Variants in KALRN observed in about 807,000 individuals in gnomAD.
KALRN encodes the protein kalirin.
KALRN carries 70 observed loss-of-function variants against 353.7 expected under a neutral mutation model. That is an observed-to-expected ratio of 0.20 (90% confidence interval 0.16 to 0.24). The LOEUF (loss-of-function observed/expected upper bound fraction) is 0.24. Among genes scored for constraint, KALRN ranks in the 10% least tolerant of loss-of-function variants. The pLI is 1.00. For missense variants in KALRN, 2,791 were observed against 3,756.7 expected (o/e 0.74, Z 6.72); for synonymous variants, 1,391 against 1,434.8 (o/e 0.97, Z 0.69).
intron 5 of KALRN, among the ~76,000 whole-genome samples, chr3:124,288,524 G>T (rs2076146552): frequency 6.6e-6 from 1 of 152,244 alleles, no homozygotes; most frequent in Non-Finnish European, 1.5e-5. Context: ...ATTTGGACCA[G>T]TCTGGGGTTG....
chr3:124,637,715 A>G (rs2081522933), intron 37 of KALRN, among the ~76,000 whole-genome samples: 1 of 152,224 alleles, frequency 6.6e-6, no homozygotes, highest in Non-Finnish European at 1.5e-5. Context: ...GGACTTGGGT[A>G]GCCTTCCAGC....
At chr3:124,379,537 G>A (rs924150990) in intron 10 of KALRN, among the ~76,000 whole-genome samples, 1 of 152,154 alleles carries the variant, frequency 6.6e-6, no homozygotes, top group Non-Finnish European at 1.5e-5. Context: ...ATCTGTTCAG[G>A]TCGTTCTCTT....
At chr3:124,602,644 G>A (rs554255646) in intron 34 of KALRN, among the ~76,000 whole-genome samples, 1 of 152,328 alleles carries the variant, frequency 6.6e-6, no homozygotes, top group Admixed American at 6.5e-5. Context: ...GTGACACAGG[G>A]CTGGGTCTTA....
chr3:124,434,600 G>A, intron 17 of KALRN, 75 bp downstream of exon 17: 2 of 1,352,398 alleles, frequency 1.5e-6, no homozygotes, highest in Non-Finnish European at 2.1e-6. Context: ...GTGTAAATGT[G>A]CAGTGCTTAT....
chr3:124,627,425 C>A (rs2080080713), intron 34 of KALRN, among the ~76,000 whole-genome samples: 1 of 152,180 alleles, frequency 6.6e-6, no homozygotes, highest in African/African-American at 2.4e-5. Context: ...AAGTAAATGA[C>A]AACAGGGGAA....
At chr3:124,340,601 T>C (rs557163752) in intron 9 of KALRN, among the ~76,000 whole-genome samples, 77 of 152,258 alleles carry the variant, frequency 5.1e-4, no homozygotes, top group African/African-American at 1.7e-3. Context: ...TGGTTTCCCA[T>C]GAGCTCAGAT....
chr3:124,288,066 G>A (rs2076109685), intron 5 of KALRN, among the ~76,000 whole-genome samples: 2 of 151,676 alleles, frequency 1.3e-5, no homozygotes, highest in African/African-American at 4.8e-5. Context: ...TTAGAGATGG[G>A]GTTTCGCCTT....
intron 54 of KALRN, 125 bp from the exon 55 acceptor site, chr3:124,697,468 G>A: frequency 2.2e-6 from 2 of 898,872 alleles, no homozygotes; most frequent in Non-Finnish European, 3.2e-6. Context: ...ATGCCACTTG[G>A]TGGAGAAGGT....
chr3:124,139,171 G>C (rs1418606947), intron 1 of KALRN, among the ~76,000 whole-genome samples: 1 of 152,120 alleles, frequency 6.6e-6, no homozygotes, highest in Non-Finnish European at 1.5e-5. Flanking sequence ...ATGGTCCTTT[G>C]TGAGAACCAT....
At chr3:124,474,345 C>T (rs1002613540) in intron 25 of KALRN, among the ~76,000 whole-genome samples, 10 of 152,130 alleles carry the variant, frequency 6.6e-5, no homozygotes, top group African/African-American at 2.4e-4. Context: ...GCTTAGATTA[C>T]TTGTGTAAAA....
intron 1 of KALRN, among the ~76,000 whole-genome samples, chr3:124,172,493 T>C (rs1323821207): frequency 6.6e-6 from 1 of 152,046 alleles, no homozygotes; most frequent in Admixed American, 6.5e-5. Flanking sequence ...AGGACATGGG[T>C]GTAAGATTTG....
intron 32 of KALRN, among the ~76,000 whole-genome samples, chr3:124,494,342 A>C (rs2063491639): frequency 1.3e-5 from 2 of 152,316 alleles, no homozygotes; most frequent in Admixed American, 6.5e-5. Flanking sequence ...CCACAGTCCT[A>C]GGTGGCCTCC....
intron 3 of KALRN, among the ~76,000 whole-genome samples, chr3:124,254,924 GT>G (rs2071714903): frequency 6.6e-6 from 1 of 150,504 alleles, no homozygotes; most frequent in African/African-American, 2.4e-5. Flanking sequence ...TGCACAGGCT[GT>G]TCCCTCTGTC....
intron 12 of KALRN, 188 bp downstream of exon 12, chr3:124,395,531 AG>A: frequency 1.8e-6 from 1 of 548,010 alleles, no homozygotes. Flanking sequence ...TAAATGGAAA[AG>A]CTTTAATGTT....
At chr3:124,037,242 A>G (rs1480133690) in intron 1 of KALRN, among the ~76,000 whole-genome samples, 2 of 152,264 alleles carry the variant, frequency 1.3e-5, no homozygotes, top group African/African-American at 2.4e-5. Flanking sequence ...TTTACTGTTC[A>G]ATTAGAGATT....
chr3:124,349,255 T>G (rs561849731), intron 10 of KALRN, among the ~76,000 whole-genome samples: 1 of 152,294 alleles, frequency 6.6e-6, no homozygotes, highest in South Asian at 2.1e-4. Context: ...TGATTCTACT[T>G]ATACCTAGAG....
intron 13 of KALRN, among the ~76,000 whole-genome samples, chr3:124,409,443 G>A (rs966386504): frequency 2.6e-5 from 4 of 152,134 alleles, no homozygotes; most frequent in Admixed American, 6.5e-5. Context: ...AAAAATATTC[G>A]GGTCTAGGTG....
Position 124,628,813 on chromosome 3 carries a change from C to A in KALRN, c.5183-3607C>A, listed in dbSNP as rs1437608037. Among the ~76,000 whole-genome samples, 3 of 133,100 alleles carry A rather than the reference C, an allele frequency of 2.3e-5. No individual in the cohort carries two copies. In the Admixed American group the frequency reaches 2.4e-4, roughly 11 times the overall value. 87.3% of individuals were successfully genotyped at this position (133,100 alleles called of 152,430 possible). A position where few individuals can be genotyped will look rare whatever the true frequency, so the allele number is the denominator to read the frequency against. ...CCATGATGGCCAGGCTGGTCCTAAA[C>A]TCCTGGCCTCAAGTGATCTGGCCAC... On this transcript the variant is annotated intron_variant, in intron 34 of 59. Coordinates refer to ENST00000682506, the MANE Select transcript of KALRN (RefSeq NM_001388419.1).
chr3:124,303,512 G>A (rs1220922556), intron 6 of KALRN, among the ~76,000 whole-genome samples: 1 of 152,178 alleles, frequency 6.6e-6, no homozygotes, highest in African/African-American at 2.4e-5. Flanking sequence ...GTGAAGTTGG[G>A]TGGTAATATG....
Sources: allele counts gnomAD v4.1 joint callset (sites outside exome capture counted in the v4.1 genomes callset), GRCh38; gene constraint gnomAD v4.1.1; transcripts MANE v1.5; gene names NCBI Gene and HGNC (gene_info 2026-07-23, HGNC 2026-07-21).